NCAM1: variants seen among roughly 807,000 people sequenced by gnomAD.
NCAM1 encodes neural cell adhesion molecule 1.
NCAM1 carries 14 observed loss-of-function variants against 109.8 expected under a neutral mutation model. That is an observed-to-expected ratio of 0.13 (90% confidence interval 0.08 to 0.20). The LOEUF is 0.20. NCAM1 is among the 10% of genes least tolerant of loss of function. NCAM1 has a pLI of 1.00. For missense variants in NCAM1, 774 were observed against 1,109.9 expected, an observed-to-expected ratio of 0.70 and a Z score of 4.30; for synonymous variants, 418 against 442.9, an observed-to-expected ratio of 0.94 and a Z score of 0.70.
chr11:112,961,499 C>A lies in NCAM1; in HGVS notation c.-114C>A, dbSNP rs1441381373. 1.2e-6 allele frequency: 1 copy of A among 802,094 alleles called. No individual in the cohort carries two copies. The highest frequency in any genetic ancestry group is 2.3e-6 in the Non-Finnish European group (1 of 438,224). The allele number at this position is 802,094 out of a possible 1,614,324, so 49.7% of individuals were successfully genotyped here. On this transcript the variant is annotated 5_prime_UTR_variant, in exon 1 of 20. Coordinates refer to ENST00000316851, the MANE Select transcript of NCAM1 (RefSeq NM_181351.5). The stretch of plus-strand genomic sequence containing the variant: ...ATTCTGCAAAAATAATCATACTCAG[C>A]CTGGCAATTGTCTGCCCCTAGGTCT...
At chr11:113,247,348 C>T (rs1945526388) in intron 15 of NCAM1, among the ~76,000 whole-genome samples, 1 of 152,166 alleles carries the variant, frequency 6.6e-6, no homozygotes, top group South Asian at 2.1e-4. Flanking sequence ...AAACTAACTC[C>T]AATAACCCCC....
intron 1 of NCAM1, among the ~76,000 whole-genome samples, chr11:113,005,115 T>TC (rs1373134717): frequency 3.3e-5 from 5 of 152,184 alleles, no homozygotes; most frequent in African/African-American, 4.8e-5. Flanking sequence ...AGTTGATGTT[T>TC]CTTTTTCACT....
intron 19 of NCAM1, among the ~76,000 whole-genome samples, chr11:113,272,501 G>A (rs1389194724): frequency 1.3e-5 from 2 of 152,156 alleles, no homozygotes; most frequent in Non-Finnish European, 2.9e-5. Flanking sequence ...GTGCCCTGGG[G>A]AGCCCTGCAG....
intron 1 of NCAM1, among the ~76,000 whole-genome samples, chr11:113,022,678 A>C (rs549982493): frequency 1.3e-4 from 20 of 152,280 alleles, no homozygotes; most frequent in Admixed American, 4.6e-4. Context: ...TAGTTTATTT[A>C]TTTATTTTTC....
At chr11:113,201,902 C>T (rs1169708185) in intron 1 of NCAM1, among the ~76,000 whole-genome samples, 2 of 152,214 alleles carry the variant, frequency 1.3e-5, no homozygotes, top group Admixed American at 1.3e-4. Context: ...GGGGAACTGG[C>T]AGGAGACCCC....
intron 1 of NCAM1, among the ~76,000 whole-genome samples, chr11:113,079,945 A>C (rs1938713738): frequency 6.6e-6 from 1 of 152,240 alleles, no homozygotes; most frequent in Admixed American, 6.5e-5. Context: ...GGCTTTGTGC[A>C]CAAAGGTATC....
intron 1 of NCAM1, among the ~76,000 whole-genome samples, chr11:113,057,081 T>C (rs1441632453): frequency 6.6e-6 from 1 of 152,184 alleles, no homozygotes; most frequent in African/African-American, 2.4e-5. Flanking sequence ...GCTGGAGATG[T>C]AGTGGCAGGA....
At chr11:113,100,267 A>C (rs1356851767) in intron 1 of NCAM1, among the ~76,000 whole-genome samples, 1 of 152,304 alleles carries the variant, frequency 6.6e-6, no homozygotes, top group African/African-American at 2.4e-5. Context: ...AGGGGAGCAC[A>C]CAAGCAAGTG....
chr11:113,236,670 C>T (rs1258945987), intron 14 of NCAM1, among the ~76,000 whole-genome samples: 1 of 152,224 alleles, frequency 6.6e-6, no homozygotes, highest in Non-Finnish European at 1.5e-5. Flanking sequence ...ATAGCCCCGC[C>T]TCACCTTCAG....
At chr11:113,088,493 A>C (rs1188538741) in intron 1 of NCAM1, among the ~76,000 whole-genome samples, 1 of 152,196 alleles carries the variant, frequency 6.6e-6, no homozygotes, top group Non-Finnish European at 1.5e-5. Context: ...CTGACTGACC[A>C]TGTATCCCCG....
intron 8 of NCAM1, among the ~76,000 whole-genome samples, chr11:113,220,909 A>G (rs961326003): frequency 1.3e-5 from 2 of 152,028 alleles, no homozygotes; most frequent in African/African-American, 4.8e-5. Flanking sequence ...GCACCCGGCC[A>G]GAGGAGACCT....
intron 5 of NCAM1, 56 bp downstream of exon 5, chr11:113,206,236 A>G: frequency 6.6e-7 from 1 of 1,523,684 alleles, no homozygotes; most frequent in Non-Finnish European, 8.8e-7. Context: ...GGTTCTCCAA[A>G]ATCATTCTCT....
chr11:113,153,342 C>G (rs1301203521), intron 1 of NCAM1, among the ~76,000 whole-genome samples: 2 of 151,908 alleles, frequency 1.3e-5, no homozygotes, highest in African/African-American at 4.8e-5. Flanking sequence ...CGGTCAGCAG[C>G]AATGTCTGTG....
intron 1 of NCAM1, among the ~76,000 whole-genome samples, chr11:113,147,274 C>A (rs577497400): frequency 5.7e-4 from 87 of 152,368 alleles, no homozygotes; most frequent in Non-Finnish European, 9.8e-4. Context: ...AGATGTTAAA[C>A]TGCGCGATAG....
intron 14 of NCAM1, among the ~76,000 whole-genome samples, chr11:113,239,376 C>G (rs1945260268): frequency 6.6e-6 from 1 of 152,204 alleles, no homozygotes; most frequent in Non-Finnish European, 1.5e-5. Context: ...ATCTTCCCCT[C>G]CATGACTGAG....
Position 113,263,086 on chromosome 11 carries a change from C to T in NCAM1, c.2131+2763C>T, listed in dbSNP as rs571705739. On this transcript the variant is annotated intron_variant, in intron 17 of 19. Coordinates refer to ENST00000316851, the MANE Select transcript of NCAM1 (RefSeq NM_181351.5). The stretch of plus-strand genomic sequence containing the variant: ...TTGTGATTGGAAAAAGCTTTACCTC[C>T]AGACATGTCACCACTCACAGATACT... 3.2e-5 allele frequency: 44 copies of T among 1,374,972 alleles called. 1 individual carries two copies. The South Asian group carries it at 7.1e-4, about 22-fold the overall frequency. 85.2% of individuals were successfully genotyped at this position (1,374,972 alleles called of 1,614,324 possible).
chr11:112,978,955 T>C (rs1430324872), intron 1 of NCAM1, among the ~76,000 whole-genome samples: 2 of 151,896 alleles, frequency 1.3e-5, no homozygotes, highest in African/African-American at 4.8e-5. Context: ...TATTTAACTA[T>C]CTGTGAAACT....
At chr11:112,986,074 G>C (rs1009888152) in intron 1 of NCAM1, among the ~76,000 whole-genome samples, 1 of 151,970 alleles carries the variant, frequency 6.6e-6, no homozygotes, top group African/African-American at 2.4e-5. Context: ...ATTATGTTGA[G>C]ATACAGTCCT....
chr11:113,085,608 G>T (rs975935404), intron 1 of NCAM1, among the ~76,000 whole-genome samples: 3 of 152,142 alleles, frequency 2.0e-5, no homozygotes, highest in South Asian at 2.1e-4. Flanking sequence ...CACCAGGCAG[G>T]ATACAGTTTC....
Sources: allele counts gnomAD v4.1 joint callset (sites outside exome capture counted in the v4.1 genomes callset), GRCh38; gene constraint gnomAD v4.1.1; transcripts MANE v1.5; gene names NCBI Gene and HGNC (gene_info 2026-07-23, HGNC 2026-07-21).